SLC16A6: variants seen among roughly 807,000 people sequenced by gnomAD.
The protein encoded by SLC16A6 is monocarboxylate transporter 7.
SLC16A6 carries 15 observed loss-of-function variants against 33.8 expected under a neutral mutation model. The ratio of observed to expected loss-of-function variants is 0.44; its 90% CI spans 0.30 to 0.68. SLC16A6 has a LOEUF of 0.68. SLC16A6 is among the 30% of genes least tolerant of loss of function. SLC16A6 has a pLI of 0.10. For synonymous variants in SLC16A6, 219 were observed against 248.4 expected, an observed-to-expected ratio of 0.88 and a Z score of 1.11; for missense variants, 451 against 661.5, an observed-to-expected ratio of 0.68 and a Z score of 3.49.
chr17:68,290,969 G>A (rs926692038), intron 1 of SLC16A6, 117 bp downstream of exon 1: 5 of 152,042 alleles, frequency 3.3e-5, no homozygotes, highest in Non-Finnish European at 5.9e-5. Context: ...ATGTGAAGAT[G>A]TTCAGTGGTC....
At chr17:68,284,075 A>C (rs2075785428) in intron 1 of SLC16A6, among the ~76,000 whole-genome samples, 2 of 147,788 alleles carry the variant, frequency 1.4e-5, no homozygotes, top group South Asian at 4.5e-4. Flanking sequence ...TAGAGTGAGC[A>C]ATAGAGCAAT....
At chr17:68,284,871 A>G (rs1473982126) in intron 1 of SLC16A6, among the ~76,000 whole-genome samples, 1 of 152,214 alleles carries the variant, frequency 6.6e-6, no homozygotes, top group Non-Finnish European at 1.5e-5. Flanking sequence ...GTGTGTTGAT[A>G]TGTCATAAAT....
At chr17:68,278,786 A>C (rs1480782022) in intron 1 of SLC16A6, among the ~76,000 whole-genome samples, 1 of 151,656 alleles carries the variant, frequency 6.6e-6, no homozygotes, top group Non-Finnish European at 1.5e-5. Context: ...CACCCGGCTA[A>C]TTTTTGTATT....
intron 3 of SLC16A6, among the ~76,000 whole-genome samples, chr17:68,273,464 T>C (rs2075409450): frequency 6.6e-6 from 1 of 152,086 alleles, no homozygotes. Context: ...CACGTGATCC[T>C]CCTGTCTCAG....
At chr17:68,275,243 TA>T (rs1378797946) in intron 2 of SLC16A6, among the ~76,000 whole-genome samples, 20 of 152,328 alleles carry the variant, frequency 1.3e-4, no homozygotes, top group African/African-American at 4.3e-4. Flanking sequence ...TTCCTAGTTA[TA>T]GGTTACTTAA....
chr17:68,276,308 T>C (rs1007880105), intron 2 of SLC16A6, among the ~76,000 whole-genome samples: 1 of 152,084 alleles, frequency 6.6e-6, no homozygotes, highest in Admixed American at 6.5e-5. Context: ...TAGAACTGCC[T>C]TGTAAAGACA....
At chr17:68,279,848 A>T (rs1271220672) in intron 1 of SLC16A6, among the ~76,000 whole-genome samples, 1 of 152,212 alleles carries the variant, frequency 6.6e-6, no homozygotes, top group African/African-American at 2.4e-5. Context: ...CAATGAGTCC[A>T]TGGTCTTCAA....
chr17:68,268,578 T>C lies in SLC16A6; in HGVS notation c.*518A>G, dbSNP rs782242584. On this transcript the variant is annotated 3_prime_UTR_variant, in exon 6 of 6. Transcript: ENST00000580666. The stretch of plus-strand genomic sequence containing the variant: ...AACAAAAACTATTTATTCATATTTC[T>C]GAAAATTAGGAATTTTAAAAATGAT... The C allele has an allele frequency of 6.5e-6, 1 of 152,692 alleles. No individual in the cohort carries two copies. Among genetic ancestry groups the C allele is most frequent in the Non-Finnish European group, 1.5e-5 (1 of 68,410 alleles). 9.5% of individuals were successfully genotyped at this position (152,692 alleles called of 1,614,324 possible).
chr17:68,288,740 G>T (rs781894451), intron 1 of SLC16A6, among the ~76,000 whole-genome samples: 2 of 152,186 alleles, frequency 1.3e-5, no homozygotes, highest in Non-Finnish European at 2.9e-5. Flanking sequence ...CCCTTTGAAG[G>T]CAAGGCCGAA....
At chr17:68,287,674 C>T (rs782587480) in intron 1 of SLC16A6, among the ~76,000 whole-genome samples, 3 of 152,152 alleles carry the variant, frequency 2.0e-5, no homozygotes, top group Non-Finnish European at 4.4e-5. Flanking sequence ...CCCTGAACCC[C>T]GTCCTACCCC....
At chr17:68,287,521 GT>G (rs1310513266) in intron 1 of SLC16A6, among the ~76,000 whole-genome samples, 1 of 151,962 alleles carries the variant, frequency 6.6e-6, no homozygotes, top group Non-Finnish European at 1.5e-5. Flanking sequence ...TAATTCCTTA[GT>G]TTTTTTAAAA....
rs1213034338 is a variant in SLC16A6 at position 68,269,037 on chromosome 17, G to A, written c.*59C>T. 90 of 1,592,634 alleles carry A rather than the reference G, an allele frequency of 5.7e-5. 3 individuals carry two copies. The East Asian group carries it at 1.3e-3, about 23-fold the overall frequency. ...AGCTCCTCTGCCTCCTTGTGTCCCC[G>A]TTGGGCCCACCCCATCCCTCTCCAG... On this transcript the variant is annotated 3_prime_UTR_variant, in exon 6 of 6. Coordinates refer to ENST00000580666, the MANE Select transcript of SLC16A6 (RefSeq NM_004694.5).
chr17:68,269,798 C>T lies in SLC16A6; in HGVS notation c.1322-452G>A, dbSNP rs371346346. Among the ~76,000 whole-genome samples the T allele has an allele frequency of 2.9e-4, 44 of 151,212 alleles. 3 individuals are homozygous for T. In the South Asian group the frequency reaches 8.2e-3, roughly 28 times the overall value. ...AAGCGATTCTCCTGCCTCAGCCTCCCGAATAGCTGGGATTAGAGGTGTCTG... is the reference window on the plus strand; with the variant it reads ...AAGCGATTCTCCTGCCTCAGCCTCCTGAATAGCTGGGATTAGAGGTGTCTG... On this transcript the variant is annotated intron_variant, in intron 5 of 5. Transcript: ENST00000580666.
chr17:68,281,827 G>A (rs2075704885), intron 1 of SLC16A6, among the ~76,000 whole-genome samples: 1 of 152,130 alleles, frequency 6.6e-6, no homozygotes. Flanking sequence ...ATGTAAACTA[G>A]TACGGCCAAT....
intron 1 of SLC16A6, among the ~76,000 whole-genome samples, chr17:68,282,779 T>TGAAAAAAAAAAAAA: frequency 1.9e-5 from 1 of 53,404 alleles, no homozygotes; most frequent in East Asian, 5.2e-4. Context: ...CCATCTCTAC[T>TGAAAAAAAAAAAAA]AAAAAAAAAA....
In SLC16A6 at chr17:68,288,283, A is replaced by C. The variant is rs561680465; in HGVS notation, c.-8+2803T>G. 2.0e-5 allele frequency among the ~76,000 whole-genome samples: 3 copies of C among 152,284 alleles called. No homozygotes were observed. The South Asian group carries it at 6.2e-4, about 32-fold the overall frequency. The stretch of plus-strand genomic sequence containing the variant: ...CCAAAGTGCTGGGATTACAGGCGTG[A>C]GCCACTGTGCCCGGCCTTCTCCTTT... On this transcript the variant is annotated intron_variant, in intron 1 of 5. Coordinates refer to ENST00000580666, the MANE Select transcript of SLC16A6 (RefSeq NM_004694.5).
intron 5 of SLC16A6, 83 bp downstream of exon 5, chr17:68,270,756 T>G: frequency 1.1e-5 from 14 of 1,287,750 alleles, no homozygotes; most frequent in Non-Finnish European, 1.5e-5. Flanking sequence ...CGGCAGTAAG[T>G]TTTTTTTATG....
chr17:68,283,331 A>T (rs1039853129), intron 1 of SLC16A6, among the ~76,000 whole-genome samples: 6 of 151,458 alleles, frequency 4.0e-5, no homozygotes, highest in African/African-American at 1.5e-4. Flanking sequence ...CCATTCTGGC[A>T]AACACGATGA....
At chr17:68,287,352 G>A (rs1022164804) in intron 1 of SLC16A6, among the ~76,000 whole-genome samples, 14 of 151,302 alleles carry the variant, frequency 9.3e-5, no homozygotes, top group Non-Finnish European at 1.8e-4. Context: ...TAGAGACAGG[G>A]TCTCCCTATG....
Sources: gnomAD v4.1 joint callset for allele counts (sites outside exome capture counted in the v4.1 genomes callset) on GRCh38, gnomAD v4.1.1 for gene constraint, MANE v1.5 for transcripts, NCBI Gene and HGNC (gene_info 2026-07-23, HGNC 2026-07-21) for gene names.